NR3C1: variants seen among roughly 807,000 people sequenced by gnomAD.
The protein encoded by NR3C1 is glucocorticoid receptor.
Under a neutral mutation model 74.0 loss-of-function variants are expected in NR3C1, and 14 were observed. The ratio of observed to expected loss-of-function variants is 0.19; its 90% CI spans 0.12 to 0.30. The LOEUF (loss-of-function observed/expected upper bound fraction) is 0.30, where lower values mean the gene tolerates loss of function less well. Among genes scored for constraint, NR3C1 ranks in the 10% least tolerant of loss-of-function variants. The probability of loss-of-function intolerance (pLI) is 1.00; values close to 1 mark genes in which losing one functional copy is unlikely to be tolerated. For missense variants in NR3C1, 695 were observed against 909.8 expected (o/e 0.76, Z 3.04); for synonymous variants, 308 against 332.5 (o/e 0.93, Z 0.80).
At chr5:143,407,448 C>T (rs1402702061), upstream of NR3C1, 1 of 152,144 alleles carries the variant, frequency 6.6e-6, no homozygotes, top group Non-Finnish European at 1.5e-5. Context: ...ATTCTGCATA[C>T]TTTGTTAGCA....
chr5:143,342,495 C>T (rs1828432788), intron 2 of NR3C1, among the ~76,000 whole-genome samples: 2 of 152,148 alleles, frequency 1.3e-5, no homozygotes, highest in Non-Finnish European at 1.5e-5. Context: ...ATATTGATGA[C>T]ATATCAATGA....
At chr5:143,284,717 A>C (rs1329675895) in intron 7 of NR3C1, among the ~76,000 whole-genome samples, 5 of 152,076 alleles carry the variant, frequency 3.3e-5, no homozygotes, top group East Asian at 1.9e-4. Context: ...TACAGCCTGG[A>C]ATTCCCCTCC....
chr5:143,323,782 G>C (rs1823930259), intron 2 of NR3C1, among the ~76,000 whole-genome samples: 2 of 152,102 alleles, frequency 1.3e-5, no homozygotes, highest in South Asian at 4.1e-4. Flanking sequence ...GGAGGGATGG[G>C]GGGCAGGGGG....
intron 2 of NR3C1, among the ~76,000 whole-genome samples, chr5:143,380,152 T>C (rs1252922804): frequency 1.3e-5 from 2 of 152,132 alleles, no homozygotes; most frequent in African/African-American, 4.8e-5. Flanking sequence ...ATAAAGCTTA[T>C]AAAAGAGGGC....
chr5:143,369,090 G>C (rs1021014414), intron 2 of NR3C1, among the ~76,000 whole-genome samples: 4 of 152,150 alleles, frequency 2.6e-5, no homozygotes, highest in Admixed American at 6.5e-5. Flanking sequence ...CTTCTTAAAG[G>C]CCTCACATCT....
intron 2 of NR3C1, among the ~76,000 whole-genome samples, chr5:143,335,544 T>C (rs1366321794): frequency 6.6e-6 from 1 of 152,220 alleles, no homozygotes; most frequent in Non-Finnish European, 1.5e-5. Flanking sequence ...CGCCATTCTT[T>C]TGACAGAAAA....
intron 7 of NR3C1, among the ~76,000 whole-genome samples, chr5:143,291,841 C>T (rs907148589): frequency 5.3e-5 from 8 of 152,194 alleles, no homozygotes; most frequent in African/African-American, 1.9e-4. Flanking sequence ...CTGCGTACAT[C>T]ACTTCTTGCA....
At chr5:143,288,941 C>T (rs2151502760) in intron 7 of NR3C1, among the ~76,000 whole-genome samples, 1 of 152,010 alleles carries the variant, frequency 6.6e-6, no homozygotes, top group South Asian at 2.1e-4. Context: ...CCCGTCTCTA[C>T]TAAAAATACA....
intron 1 of NR3C1, among the ~76,000 whole-genome samples, chr5:143,427,927 C>G (rs1259564994): frequency 1.3e-5 from 2 of 152,182 alleles, no homozygotes; most frequent in African/African-American, 4.8e-5. Flanking sequence ...CTGTGCCTGG[C>G]ACAATGTTAT....
At position 143,410,256 on chromosome 5, in the gene NR3C1, A is replaced by C. The variant is rs575491767; in HGVS notation, c.-13-9404T>G. On this transcript the variant is annotated intron_variant, in intron 1 of 8. Transcript: ENST00000343796. ...TCAATCTGCCCCGCTGCTATGTGGA[A>C]TCTTTCAGCTCATTTGAGAACCTGC... is the stretch of plus-strand genomic sequence containing the variant. Among the ~76,000 whole-genome samples, 5 of 152,234 alleles carry C rather than the reference A, an allele frequency of 3.3e-5. No individual in the cohort carries two copies. The East Asian group carries it at 7.7e-4, about 24-fold the overall frequency.
intron 1 of NR3C1, among the ~76,000 whole-genome samples, chr5:143,427,354 A>G (rs753675318): frequency 6.6e-6 from 1 of 152,066 alleles, no homozygotes; most frequent in Non-Finnish European, 1.5e-5. Flanking sequence ...GACTGCCCTG[A>G]TAGTAGGGTG....
Position 143,411,375 on chromosome 5 carries a change from C to G in NR3C1, c.-13-10523G>C, listed in dbSNP as rs1841286772. Among the ~76,000 whole-genome samples, 2 of 152,196 alleles carry G rather than the reference C, an allele frequency of 1.3e-5. 1 individual carries two copies. The highest frequency in any genetic ancestry group is 4.1e-4 in the South Asian group (2 of 4,830). On this transcript the variant is annotated intron_variant, in intron 1 of 8. Transcript: ENST00000343796. The stretch of plus-strand genomic sequence containing the variant: ...TTTTCTAGTACTTGAAAGCTATTAT[C>G]AGCAAAAGAAGTCACTTCTGTCATT...
intron 1 of NR3C1, among the ~76,000 whole-genome samples, chr5:143,416,370 G>T (rs1841477027): frequency 6.6e-6 from 1 of 151,748 alleles, no homozygotes; most frequent in African/African-American, 2.4e-5. Flanking sequence ...AACTTGTCTT[G>T]TTTCTCAACA....
exon 1 of NR3C1, chr5:143,434,672 G>A (rs1002318326): frequency 1.0e-5 from 10 of 985,260 alleles, no homozygotes; most frequent in African/African-American, 3.5e-5. Context: ...CCCCATTCTC[G>A]CACAGAGAAG....
chr5:143,363,491 T>C (rs1832646490), intron 2 of NR3C1, among the ~76,000 whole-genome samples: 1 of 152,084 alleles, frequency 6.6e-6, no homozygotes, highest in African/African-American at 2.4e-5. Context: ...AATCATTGCG[T>C]GAACCCAGGA....
In NR3C1 at chr5:143,300,906, G is replaced by A; in HGVS notation, c.1469-143C>T. The A allele has an allele frequency of 3.0e-6, 3 of 996,192 alleles. No homozygotes were observed. The highest frequency in any genetic ancestry group is 2.8e-6 in the Non-Finnish European group (2 of 705,260). 61.7% of individuals were successfully genotyped at this position (996,192 alleles called of 1,614,324 possible). ...TTTAGCAATTATGATAAAGTGACAT[G>A]GAAAAGGAGAAAAAACTTTTTTTTT... On this transcript the variant is annotated intron_variant, in intron 4 of 8. Transcript: ENST00000394464. The surrounding 1 kb of genome is among the most constrained non-coding windows in gnomAD (Gnocchi z 5.2).
intron 1 of NR3C1, among the ~76,000 whole-genome samples, chr5:143,432,572 C>G (rs1241585137): frequency 6.6e-6 from 1 of 152,164 alleles, no homozygotes; most frequent in African/African-American, 2.4e-5. Context: ...TGAGGTAAAG[C>G]AGGGACACTC....
chr5:143,424,305 A>G (rs1751420000), intron 1 of NR3C1, among the ~76,000 whole-genome samples: 1 of 152,174 alleles, frequency 6.6e-6, no homozygotes. Flanking sequence ...TGTTCAGTAG[A>G]CAACAGGGTG....
intron 6 of NR3C1, among the ~76,000 whole-genome samples, chr5:143,297,418 T>C (rs1251444940): frequency 6.6e-6 from 1 of 152,154 alleles, no homozygotes; most frequent in Non-Finnish European, 1.5e-5. Flanking sequence ...AGAAAGTGAC[T>C]AAAAAACAAA....
Sources: gnomAD v4.1 joint callset for allele counts (sites outside exome capture counted in the v4.1 genomes callset) on GRCh38, gnomAD v4.1.1 for gene constraint, Gnocchi (gnomAD v3.1) non-coding constraint, MANE v1.5 for transcripts, NCBI Gene and HGNC (gene_info 2026-07-23, HGNC 2026-07-21) for gene names.